Variants in IFNG-AS1 observed in about 807,000 individuals in gnomAD.
IFNG-AS1 encodes IFNG antisense RNA 1 (non-protein coding).
At chr12:68,017,065 T>C (rs184879179) in intron 3 of IFNG-AS1, among the ~76,000 whole-genome samples, 22 of 152,270 alleles carry the variant, frequency 1.4e-4, no homozygotes, top group Middle Eastern at 6.8e-3. Context: ...AGGGACCTTT[T>C]GTCATAGAGG....
chr12:68,012,727 T>C (rs1284138450), intron 3 of IFNG-AS1, among the ~76,000 whole-genome samples: 2 of 152,206 alleles, frequency 1.3e-5, no homozygotes, highest in Non-Finnish European at 2.9e-5. Flanking sequence ...GTATATCTAT[T>C]ATCATCACCT....
intron 2 of IFNG-AS1, among the ~76,000 whole-genome samples, chr12:67,998,777 C>T (rs1416504368): frequency 1.3e-5 from 2 of 152,014 alleles, no homozygotes; most frequent in Non-Finnish European, 2.9e-5. Flanking sequence ...CTTTGAAATC[C>T]AATGTATTAT....
intron 2 of IFNG-AS1, among the ~76,000 whole-genome samples, chr12:68,003,425 C>T (rs2906860): frequency 0.57 from 80,574 of 142,592 alleles, 22,720 homozygotes; most frequent in Middle Eastern, 0.66. Flanking sequence ...ATATTCCCCC[C>T]TTTTTTTTTT....
At chr12:68,009,671 A>G (rs890567651) in intron 3 of IFNG-AS1, among the ~76,000 whole-genome samples, 1 of 152,134 alleles carries the variant, frequency 6.6e-6, no homozygotes, top group African/African-American at 2.4e-5. Context: ...GAATTTTAAC[A>G]CACCAGAAGT....
chr12:68,010,744 A>G (rs1257141361), intron 3 of IFNG-AS1, among the ~76,000 whole-genome samples: 1 of 152,192 alleles, frequency 6.6e-6, no homozygotes, highest in African/African-American at 2.4e-5. Context: ...GCCGAACCAC[A>G]TATTAGGGAA....
rs77514085 is a variant in IFNG-AS1 at position 68,018,626 on chromosome 12, G to A, written n.242-1236G>A. On this transcript the variant is annotated intron_variant and non_coding_transcript_variant, in intron 3 of 5. Transcript: ENST00000536914. ...AGGAAGGAGGAAGGTGGGGTGGGGA[G>A]GAAGAAATACTCCTACAACTTTACA... 1.4e-3 allele frequency among the ~76,000 whole-genome samples: 218 copies of A among 152,132 alleles called. 3 individuals carry two copies. The highest frequency in any genetic ancestry group is 4.9e-3 in the African/African-American group (203 of 41,522).
At chr12:68,003,083 G>T (rs1879810681) in intron 2 of IFNG-AS1, among the ~76,000 whole-genome samples, 1 of 152,050 alleles carries the variant, frequency 6.6e-6, no homozygotes, top group African/African-American at 2.4e-5. Flanking sequence ...AATAGTACTA[G>T]ATATAATTGC....
chr12:67,997,494 C>T (rs1879669726), intron 2 of IFNG-AS1, among the ~76,000 whole-genome samples: 1 of 150,602 alleles, frequency 6.6e-6, no homozygotes, highest in Non-Finnish European at 1.5e-5. Flanking sequence ...GCATAAAGAC[C>T]CAATGAAAAA....
intron 2 of IFNG-AS1, among the ~76,000 whole-genome samples, chr12:67,999,110 A>G (rs1879707956): frequency 6.6e-6 from 1 of 152,192 alleles, no homozygotes; most frequent in African/African-American, 2.4e-5. Context: ...GATGATAGAT[A>G]ATAGATAATA....
chr12:67,990,269 T>A (rs753828415), intron 1 of IFNG-AS1, among the ~76,000 whole-genome samples: 4 of 152,254 alleles, frequency 2.6e-5, no homozygotes, highest in Admixed American at 6.5e-5. Context: ...CTTCTTAATG[T>A]TCTTTTTTTC....
At chr12:68,013,054 G>A (rs1880069105) in intron 3 of IFNG-AS1, among the ~76,000 whole-genome samples, 1 of 152,232 alleles carries the variant, frequency 6.6e-6, no homozygotes, top group African/African-American at 2.4e-5. Flanking sequence ...ACCAAGCCTT[G>A]TCCAGGGCAT....
At chr12:67,998,442 A>AAAAAAG (rs567362765) in intron 2 of IFNG-AS1, among the ~76,000 whole-genome samples, 1 of 151,774 alleles carries the variant, frequency 6.6e-6, no homozygotes. Flanking sequence ...GAGACCAAAA[A>AAAAAAG]AAAAAGAAAA....
intron 2 of IFNG-AS1, among the ~76,000 whole-genome samples, chr12:67,999,528 C>T (rs1353561735): frequency 6.6e-6 from 1 of 152,070 alleles, no homozygotes; most frequent in Non-Finnish European, 1.5e-5. Flanking sequence ...AAGGGGCCCC[C>T]AGTGGTCAAT....
chr12:68,017,857 A>C (rs1483533186), intron 3 of IFNG-AS1, among the ~76,000 whole-genome samples: 4 of 152,158 alleles, frequency 2.6e-5, no homozygotes. Context: ...AAGTTAGTTT[A>C]ATCATCTATA....
intron 1 of IFNG-AS1, among the ~76,000 whole-genome samples, chr12:67,995,419 CAAAAAAAAA>C (rs34141511): frequency 6.2e-4 from 49 of 78,636 alleles, no homozygotes; most frequent in African/African-American, 2.3e-3. Flanking sequence ...GACTCCATTT[CAAAAAAAAA>C]AAAAAAAAAA....
intron 2 of IFNG-AS1, among the ~76,000 whole-genome samples, chr12:68,001,939 A>G (rs28449391): frequency 0.011 from 1,734 of 152,352 alleles, 38 homozygotes; most frequent in African/African-American, 0.039. Context: ...AAAGGTTAGG[A>G]TGGAAAAGCT....
chr12:68,006,262 C>T (rs1185520919), intron 3 of IFNG-AS1: 1 of 152,176 alleles, frequency 6.6e-6, no homozygotes, highest in East Asian at 1.9e-4. Flanking sequence ...GGAAACTAAT[C>T]AGCAGAGTAA....
intron 3 of IFNG-AS1, among the ~76,000 whole-genome samples, chr12:68,016,617 A>G (rs751895249): frequency 2.6e-4 from 39 of 152,154 alleles, no homozygotes; most frequent in Admixed American, 2.5e-3. Context: ...CCAGGTTCAG[A>G]GTCTGGCACT....
At chr12:68,014,342 A>G (rs1880098836) in intron 3 of IFNG-AS1, among the ~76,000 whole-genome samples, 1 of 152,176 alleles carries the variant, frequency 6.6e-6, no homozygotes, top group Non-Finnish European at 1.5e-5. Flanking sequence ...TTTTACTTTT[A>G]GTTCTTCAAG....
Sources: gnomAD v4.1 joint callset for allele counts (sites outside exome capture counted in the v4.1 genomes callset) on GRCh38, gnomAD v4.1.1 for gene constraint, MANE v1.5 for transcripts, NCBI Gene and HGNC (gene_info 2026-07-23, HGNC 2026-07-21) for gene names.